KCNJ15: variants seen among roughly 807,000 people sequenced by gnomAD.
The protein encoded by KCNJ15 is ATP-sensitive inward rectifier potassium channel 15.
A neutral mutation model predicts 23.0 loss-of-function variants in KCNJ15; 14 were observed. The observed-to-expected ratio is 0.61, with a 90% CI of 0.40 to 0.95. KCNJ15 has a LOEUF of 0.95. KCNJ15 is among the 40% of genes least tolerant of loss of function. KCNJ15 has a pLI of 0.00. For synonymous variants in KCNJ15, 185 were observed against 183.2 expected (o/e 1.01, Z -0.08); for missense variants, 388 against 461.8 (o/e 0.84, Z 1.46).
rs548257629 is a variant in KCNJ15 at position 38,273,785 on chromosome 21, G to A, written c.-117+16600G>A. 1.5e-3 allele frequency among the ~76,000 whole-genome samples: 225 copies of A among 152,308 alleles called. 1 individual carries two copies. The highest frequency in any genetic ancestry group is 2.4e-3 in the Non-Finnish European group (166 of 68,026). On this transcript the variant is annotated intron_variant, in intron 1 of 2. Transcript: ENST00000398938. ...AGTAAATTAACTTTCAGAATTTCACGTGTGCTCTAGCATTCACCATTGACC... is the reference window on the plus strand; with the variant it reads ...AGTAAATTAACTTTCAGAATTTCACATGTGCTCTAGCATTCACCATTGACC...
In KCNJ15 at chr21:38,300,427, T is replaced by C; in HGVS notation, c.*38T>C. On this transcript the variant is annotated 3_prime_UTR_variant, in exon 3 of 3. Transcript: ENST00000398938. ...CATCCAGGTTTAACCCTGCAAGCTGTTTCCACATCAGAACTCCCTTCAAAC... is the reference window on the plus strand; with the variant it reads ...CATCCAGGTTTAACCCTGCAAGCTGCTTCCACATCAGAACTCCCTTCAAAC... 1 of 1,538,818 alleles carries C rather than the reference T, an allele frequency of 6.5e-7. No homozygotes were observed. Among genetic ancestry groups the C allele is most frequent in the Non-Finnish European group, 8.8e-7 (1 of 1,140,122 alleles).
At chr21:38,248,845 T>C (rs1979631549) in intron 1 of KCNJ15, among the ~76,000 whole-genome samples, 1 of 152,150 alleles carries the variant, frequency 6.6e-6, no homozygotes, top group Admixed American at 6.5e-5. Context: ...GGAGCTGCAT[T>C]CCCTGATGTC....
At chr21:38,278,157 A>C (rs966196518) in intron 1 of KCNJ15, among the ~76,000 whole-genome samples, 1 of 151,118 alleles carries the variant, frequency 6.6e-6, no homozygotes, top group Non-Finnish European at 1.5e-5. Flanking sequence ...GGTGCTTTCT[A>C]TAACTGGAAG....
Position 38,299,454 on chromosome 21 carries a change from T to G in KCNJ15, c.193T>G (p.Tyr65Asp). 1.2e-6 allele frequency: 2 copies of G among 1,614,212 alleles called. No homozygotes were observed. The highest frequency in any genetic ancestry group is 1.7e-6 in the Non-Finnish European group (2 of 1,180,032). The part of the protein sequence containing the change: ...WTTVIDMKWR[Y>D]KLTLFAATFV... ...CACAGTTATCGACATGAAGTGGAGA[T>G]ACAAACTCACCCTGTTCGCTGCCAC... is the stretch of plus-strand genomic sequence containing the variant. The change falls in exon 3 of 3, where the codon TAC becomes GAC. Residue 65 changes from tyrosine (Y) to aspartate (D), a missense_variant. Tyr to Asp is a radical substitution (Grantham distance 160, BLOSUM62 -3). Transcript: ENST00000398938. The surrounding 1 kb of genome is among the most constrained non-coding windows in gnomAD (Gnocchi z 4.5).
Position 38,304,301 on chromosome 21 carries a change from C to T in KCNJ15, c.*3912C>T, listed in dbSNP as rs1985967435. On this transcript the variant is annotated 3_prime_UTR_variant, in exon 3 of 3. Transcript: ENST00000398938. The stretch of plus-strand genomic sequence containing the variant: ...GTGTGTGATGTTCCCCTTCCTGTGT[C>T]CATGTGTTCTCATTGTTCAATTTCC... 7.4e-6 allele frequency: 1 copy of T among 135,164 alleles called. No homozygotes were observed. The highest frequency in any genetic ancestry group is 1.5e-5 in the Non-Finnish European group (1 of 65,152). The allele number at this position is 135,164 out of a possible 1,614,324, so 8.4% of individuals were successfully genotyped here. A position where few individuals can be genotyped will look rare whatever the true frequency, so the allele number is the denominator to read the frequency against.
intron 1 of KCNJ15, among the ~76,000 whole-genome samples, chr21:38,234,362 A>C (rs1384292329): frequency 6.6e-6 from 1 of 152,234 alleles, no homozygotes; most frequent in Non-Finnish European, 1.5e-5. Flanking sequence ...GGGAAGCCAA[A>C]AGATTGGACA....
At chr21:38,241,250 T>G (rs918962900) in intron 1 of KCNJ15, among the ~76,000 whole-genome samples, 1 of 152,202 alleles carries the variant, frequency 6.6e-6, no homozygotes, top group African/African-American at 2.4e-5. Context: ...TTTGGTAAGA[T>G]TTTTCTTTTT....
intron 1 of KCNJ15, among the ~76,000 whole-genome samples, chr21:38,262,466 A>T (rs1981014923): frequency 6.6e-6 from 1 of 152,194 alleles, no homozygotes; most frequent in Non-Finnish European, 1.5e-5. Flanking sequence ...TAGCTAGGAC[A>T]TTAATAACAA....
intron 1 of KCNJ15, among the ~76,000 whole-genome samples, chr21:38,261,482 G>A (rs144009500): frequency 6.8e-4 from 104 of 152,260 alleles, no homozygotes; most frequent in African/African-American, 2.3e-3. Context: ...GCTGCTGGCT[G>A]CTCTCTCAAT....
chr21:38,261,175 G>C (rs1330335233), intron 1 of KCNJ15, among the ~76,000 whole-genome samples: 2 of 152,216 alleles, frequency 1.3e-5, no homozygotes, highest in Non-Finnish European at 2.9e-5. Context: ...AGCTGCCCTG[G>C]TGTTGGGCGG....
chr21:38,246,060 T>G (rs1426677458), intron 1 of KCNJ15, among the ~76,000 whole-genome samples: 1 of 152,276 alleles, frequency 6.6e-6, no homozygotes, highest in Non-Finnish European at 1.5e-5. Context: ...TTACATACTC[T>G]GATTTGTTGA....
At chr21:38,288,026 C>CTTTTTTTCTTTTTTTTTTT (rs1171718120) in intron 1 of KCNJ15, among the ~76,000 whole-genome samples, 1 of 78,170 alleles carries the variant, frequency 1.3e-5, no homozygotes, top group African/African-American at 5.1e-5. Flanking sequence ...TTGTTTTTTT[C>CTTTTTTTCTTTTTTTTTTT]TTTGTTTTTT....
intron 1 of KCNJ15, among the ~76,000 whole-genome samples, chr21:38,281,848 T>A (rs940240643): frequency 6.6e-6 from 1 of 152,158 alleles, no homozygotes. Flanking sequence ...ATCTCCAGAC[T>A]GCTTTCCACA....
Position 38,306,875 on chromosome 21 carries a change from G to A in KCNJ15, c.*6486G>A, listed in dbSNP as rs982570575. On this transcript the variant is annotated 3_prime_UTR_variant, in exon 3 of 3. Transcript: ENST00000398938. ...AATTCATGGGAATGTTATGGTGATGGAAATCCCAAATGACATGTAGATTTT... is the reference window on the plus strand; with the variant it reads ...AATTCATGGGAATGTTATGGTGATGAAAATCCCAAATGACATGTAGATTTT... 6.6e-6 allele frequency: 1 copy of A among 152,212 alleles called. No homozygotes were observed. The highest frequency in any genetic ancestry group is 1.5e-5 in the Non-Finnish European group (1 of 68,038). The allele number at this position is 152,212 out of a possible 1,614,324, so 9.4% of individuals were successfully genotyped here. A position where few individuals can be genotyped will look rare whatever the true frequency, so the allele number is the denominator to read the frequency against.
chr21:38,287,536 G>A (rs946976860), intron 1 of KCNJ15, among the ~76,000 whole-genome samples: 1 of 152,126 alleles, frequency 6.6e-6, no homozygotes, highest in African/African-American at 2.4e-5. Context: ...AATAAACAAT[G>A]AATAATTTTA....
intron 1 of KCNJ15, among the ~76,000 whole-genome samples, chr21:38,263,748 A>C (rs1187832641): frequency 6.6e-6 from 1 of 152,194 alleles, no homozygotes. Context: ...AAGTTGTACT[A>C]CTGGGGCCTG....
upstream of KCNJ15, among the ~76,000 whole-genome samples, chr21:38,254,602 T>C (rs1568988439): frequency 6.6e-6 from 1 of 152,190 alleles, no homozygotes; most frequent in Non-Finnish European, 1.5e-5. Context: ...TACATATGCA[T>C]ATGTATGCTC....
intron 1 of KCNJ15, among the ~76,000 whole-genome samples, chr21:38,269,957 T>G (rs1177186182): frequency 6.6e-6 from 1 of 152,102 alleles, no homozygotes; most frequent in African/African-American, 2.4e-5. Context: ...CACCCACACT[T>G]CTTCCCACCG....
chr21:38,279,617 C>A (rs1983109815), intron 1 of KCNJ15, among the ~76,000 whole-genome samples: 1 of 152,140 alleles, frequency 6.6e-6, no homozygotes, highest in Non-Finnish European at 1.5e-5. Flanking sequence ...GAGTGGTGAG[C>A]TGAGAGGTTA....
Sources: allele counts gnomAD v4.1 joint callset (sites outside exome capture counted in the v4.1 genomes callset), GRCh38; gene constraint gnomAD v4.1.1; non-coding constraint Gnocchi (gnomAD v3.1); transcripts MANE v1.5; gene names NCBI Gene and HGNC (gene_info 2026-07-23, HGNC 2026-07-21).